Variants in SEMA6D observed in about 807,000 individuals in gnomAD.
SEMA6D encodes the protein semaphorin-6D.
A neutral mutation model predicts 106.6 loss-of-function variants in SEMA6D; 35 were observed. That is an observed-to-expected ratio of 0.33 (90% CI 0.25 to 0.44). The LOEUF (loss-of-function observed/expected upper bound fraction) is 0.44, where lower values mean the gene tolerates loss of function less well. Among genes scored for constraint, SEMA6D ranks in the 20% least tolerant of loss-of-function variants. The pLI is 1.00. For synonymous variants in SEMA6D, 499 were observed against 487.7 expected (o/e 1.02, Z -0.31); for missense variants, 1,185 against 1,345.9 (o/e 0.88, Z 1.87).
chr15:47,644,456 G>A (rs758432476), intron 4 of SEMA6D, among the ~76,000 whole-genome samples: 11 of 152,216 alleles, frequency 7.2e-5, no homozygotes, highest in Non-Finnish European at 1.2e-4. Flanking sequence ...GGTGGTTACT[G>A]TGGTTTGAAT....
At chr15:47,684,325 T>A (rs746305221) in intron 4 of SEMA6D, among the ~76,000 whole-genome samples, 7 of 152,134 alleles carry the variant, frequency 4.6e-5, no homozygotes, top group Non-Finnish European at 8.8e-5. Flanking sequence ...ACTTAGTACA[T>A]GCTTGATACT....
intron 1 of SEMA6D, among the ~76,000 whole-genome samples, chr15:47,243,166 T>C (rs1470855466): frequency 1.3e-5 from 2 of 152,066 alleles, no homozygotes; most frequent in Non-Finnish European, 2.9e-5. Context: ...AGAAATACAA[T>C]TTTAGTACAA....
chr15:47,733,747 T>A (rs1385480073), intron 1 of SEMA6D, among the ~76,000 whole-genome samples: 1 of 152,204 alleles, frequency 6.6e-6, no homozygotes, highest in Non-Finnish European at 1.5e-5. Flanking sequence ...GCAAGGCACT[T>A]AGCATGGTAT....
chr15:47,763,752 T>A, intron 9 of SEMA6D, 98 bp from the exon 10 acceptor site: 1 of 1,028,160 alleles, frequency 9.7e-7, no homozygotes, highest in Non-Finnish European at 1.5e-6. Context: ...ACCAGATGTA[T>A]CTTTAGTATT....
intron 1 of SEMA6D, among the ~76,000 whole-genome samples, chr15:47,324,419 C>A (rs1459427070): frequency 6.6e-6 from 1 of 151,926 alleles, no homozygotes; most frequent in Non-Finnish European, 1.5e-5. Context: ...AAAAGCATAT[C>A]GGTTTCAAAT....
At chr15:47,617,869 A>T (rs901769894) in intron 4 of SEMA6D, among the ~76,000 whole-genome samples, 2 of 152,222 alleles carry the variant, frequency 1.3e-5, no homozygotes, top group Non-Finnish European at 2.9e-5. Flanking sequence ...AGTTACTCTT[A>T]ACATCTCCCT....
At chr15:47,768,160 T>C (rs1379248269) in intron 17 of SEMA6D, among the ~76,000 whole-genome samples, 1 of 152,180 alleles carries the variant, frequency 6.6e-6, no homozygotes, top group African/African-American at 2.4e-5. Context: ...AGTTCCATCA[T>C]AGCTTCTTCC....
chr15:47,500,877 C>T (rs2043824547), intron 3 of SEMA6D, among the ~76,000 whole-genome samples: 1 of 152,126 alleles, frequency 6.6e-6, no homozygotes, highest in South Asian at 2.1e-4. Context: ...GAGAGAGTGT[C>T]TTAGAGTGTT....
intron 3 of SEMA6D, among the ~76,000 whole-genome samples, chr15:47,546,546 T>C (rs1444718252): frequency 2.6e-5 from 4 of 152,040 alleles, no homozygotes; most frequent in African/African-American, 9.7e-5. Flanking sequence ...GCAAAAAAAA[T>C]GATTGCAGAC....
chr15:47,690,379 A>G (rs1802246570), intron 4 of SEMA6D, among the ~76,000 whole-genome samples: 1 of 152,166 alleles, frequency 6.6e-6, no homozygotes, highest in Non-Finnish European at 1.5e-5. Flanking sequence ...ATTAAGAGAT[A>G]TTATAGTTGT....
At chr15:47,273,158 A>G (rs2142307680) in intron 1 of SEMA6D, among the ~76,000 whole-genome samples, 1 of 152,236 alleles carries the variant, frequency 6.6e-6, no homozygotes, top group African/African-American at 2.4e-5. Context: ...TTCTAAGGCA[A>G]GATGTGCTCT....
chr15:47,372,397 A>G (rs887411286), intron 1 of SEMA6D, among the ~76,000 whole-genome samples: 3 of 152,232 alleles, frequency 2.0e-5, no homozygotes, highest in African/African-American at 7.2e-5. Flanking sequence ...ATGAAATAAC[A>G]TGGACATTCT....
In SEMA6D at chr15:47,420,018, C is replaced by T. The variant is rs372464601; in HGVS notation, c.-159+7546C>T. Among the ~76,000 whole-genome samples, 32 of 152,130 alleles carry T rather than the reference C, an allele frequency of 2.1e-4. No individual in the cohort carries two copies. In the South Asian group the frequency reaches 6.2e-3, roughly 30 times the overall value. ...TTATATGCAAGTTTTGGGGGTGAGA[C>T]GGACCTTTCCAAGAACATGAAGAGC... On this transcript the variant is annotated intron_variant, in intron 2 of 19. Coordinates refer to the SEMA6D transcript ENST00000558014.
intron 1 of SEMA6D, among the ~76,000 whole-genome samples, chr15:47,269,818 A>G (rs934770996): frequency 2.6e-5 from 4 of 152,100 alleles, no homozygotes; most frequent in East Asian, 1.9e-4. Context: ...CCTTCCAAGT[A>G]AAAGCTATCT....
intron 1 of SEMA6D, among the ~76,000 whole-genome samples, chr15:47,394,930 C>A (rs1241275818): frequency 6.6e-6 from 1 of 151,406 alleles, no homozygotes; most frequent in Admixed American, 6.6e-5. Context: ...TAGGGTAATT[C>A]TTCACTTCCC....
chr15:47,569,547 G>A (rs1041407885), intron 3 of SEMA6D, among the ~76,000 whole-genome samples: 1 of 152,052 alleles, frequency 6.6e-6, no homozygotes, highest in African/African-American at 2.4e-5. Context: ...AGACCACACA[G>A]CAATTCCCCT....
intron 1 of SEMA6D, among the ~76,000 whole-genome samples, chr15:47,396,159 G>T (rs1377434951): frequency 6.6e-6 from 1 of 152,098 alleles, no homozygotes; most frequent in South Asian, 2.1e-4. Flanking sequence ...CCTGATCTTG[G>T]ACTTCCAGTC....
chr15:47,741,559 A>C (rs1277299107), intron 1 of SEMA6D, among the ~76,000 whole-genome samples: 1 of 152,162 alleles, frequency 6.6e-6, no homozygotes, highest in African/African-American at 2.4e-5. Context: ...TCTACTAAAA[A>C]TACAAAATCA....
At chr15:47,310,849 T>C (rs1054055549) in intron 1 of SEMA6D, among the ~76,000 whole-genome samples, 2 of 152,180 alleles carry the variant, frequency 1.3e-5, no homozygotes, top group African/African-American at 2.4e-5. Context: ...ACATGTAAGT[T>C]CTAGTTCCTT....
Sources: allele counts gnomAD v4.1 joint callset (sites outside exome capture counted in the v4.1 genomes callset), GRCh38; gene constraint gnomAD v4.1.1; transcripts MANE v1.5; gene names NCBI Gene and HGNC (gene_info 2026-07-23, HGNC 2026-07-21).